Variants in SCIN observed in about 807,000 individuals in gnomAD.
SCIN encodes the protein scinderin, also known as adseverin.
Under a neutral mutation model 91.8 loss-of-function variants are expected in SCIN, and 91 were observed. The ratio of observed to expected loss-of-function variants is 0.99; its 90% CI spans 0.84 to 1.18. The LOEUF is 1.18. Among genes scored for constraint, SCIN ranks in the 50% most tolerant of loss-of-function variants. The probability of loss-of-function intolerance (pLI) is 0.00; values close to 1 mark genes in which losing one functional copy is unlikely to be tolerated. For synonymous variants in SCIN, 367 were observed against 312.6 expected (o/e 1.17, Z -1.84); for missense variants, 1,087 against 863.9 (o/e 1.26, Z -3.24).
intron 4 of SCIN, among the ~76,000 whole-genome samples, chr7:12,612,018 A>C (rs779622917): frequency 6.6e-6 from 1 of 151,538 alleles, no homozygotes; most frequent in East Asian, 1.9e-4. Context: ...TTGCCCTCCT[A>C]TTTTTTTTCA....
At chr7:12,652,082 A>T (rs1185615117) in intron 15 of SCIN, among the ~76,000 whole-genome samples, 181 bp downstream of exon 15, 3 of 152,248 alleles carry the variant, frequency 2.0e-5, no homozygotes, top group Non-Finnish European at 2.9e-5. Flanking sequence ...CCAAATGGGC[A>T]CAAGAAAACA....
In SCIN at chr7:12,656,917, C is replaced by G. The variant is rs935536274; in HGVS notation, c.*4202C>G. ...CCTGCGTGACGATGAGAGTCTCCGTCTCGGGGGAAGAAAAAAAAAACCTGT... is the reference window on the plus strand; with the variant it reads ...CCTGCGTGACGATGAGAGTCTCCGTGTCGGGGGAAGAAAAAAAAAACCTGT... On this transcript the variant is annotated 3_prime_UTR_variant, in exon 16 of 16. Transcript: ENST00000297029. The G allele has an allele frequency of 6.6e-6, 1 of 150,782 alleles. No homozygotes were observed. Among genetic ancestry groups the G allele is most frequent in the African/African-American group, 2.4e-5 (1 of 40,870 alleles). The allele number at this position is 150,782 out of a possible 1,614,324, so 9.3% of individuals were successfully genotyped here.
At chr7:12,589,628 GGCA>G (rs1359015531) in intron 3 of SCIN, 2 of 152,154 alleles carry the variant, frequency 1.3e-5, no homozygotes, top group Non-Finnish European at 2.9e-5. Flanking sequence ...CGCCTTTCTC[GGCA>G]GTGAGGAGAT....
chr7:12,651,697 C>A lies in SCIN; in HGVS notation c.1960-144C>A. The A allele has an allele frequency of 1.7e-6, 1 of 578,762 alleles. No individual in the cohort carries two copies. Among genetic ancestry groups the A allele is most frequent in the Non-Finnish European group, 3.1e-6 (1 of 324,446 alleles). 35.9% of individuals were successfully genotyped at this position (578,762 alleles called of 1,614,324 possible). On this transcript the variant is annotated intron_variant, in intron 14 of 15. Transcript: ENST00000297029. The surrounding 1 kb of genome is among the most constrained non-coding windows in gnomAD (Gnocchi z 5.9). ...ACACTGGGAAAGTGATGGTACCTCT[C>A]TGGGCCACCACCTCCACGTCCCTAA...
chr7:12,642,371 T>A (rs961734498), intron 11 of SCIN, among the ~76,000 whole-genome samples: 3 of 152,136 alleles, frequency 2.0e-5, no homozygotes, highest in Non-Finnish European at 4.4e-5. Context: ...CTATCTGGAA[T>A]CATTCACTTT....
intron 9 of SCIN, among the ~76,000 whole-genome samples, chr7:12,631,183 A>C (rs1783634686): frequency 6.6e-6 from 1 of 152,248 alleles, no homozygotes; most frequent in Non-Finnish European, 1.5e-5. Context: ...AGTTTTAAAT[A>C]GTAGCTATTT....
chr7:12,649,170 G>A (rs546007096), intron 13 of SCIN, among the ~76,000 whole-genome samples: 7 of 152,160 alleles, frequency 4.6e-5, no homozygotes, highest in South Asian at 2.1e-4. Flanking sequence ...CCACACAGCC[G>A]CATTCCTCTC....
chr7:12,629,049 A>G, intron 8 of SCIN, 52 bp from the exon 9 acceptor site: 3 of 1,463,134 alleles, frequency 2.1e-6, no homozygotes, highest in South Asian at 2.7e-5. Context: ...TATGAGAAAT[A>G]TTATTAGATC....
intron 10 of SCIN, among the ~76,000 whole-genome samples, chr7:12,637,787 G>T (rs570456714): frequency 9.9e-5 from 15 of 152,130 alleles, no homozygotes; most frequent in African/African-American, 3.6e-4. Context: ...AAAATTTCAT[G>T]TAATTATAAA....
chr7:12,574,377 TGAAGA>T (rs2115199549), intron 1 of SCIN, among the ~76,000 whole-genome samples: 1 of 152,080 alleles, frequency 6.6e-6, no homozygotes, highest in Non-Finnish European at 1.5e-5. Flanking sequence ...ACAGATAGGG[TGAAGA>T]GGGGATGATG....
intron 4 of SCIN, among the ~76,000 whole-genome samples, chr7:12,614,366 A>G (rs1354505444): frequency 6.6e-6 from 1 of 152,200 alleles, no homozygotes; most frequent in Non-Finnish European, 1.5e-5. Context: ...TACTACCCTG[A>G]CAAACATTCA....
At position 12,657,538 on chromosome 7, in the gene SCIN, G is replaced by GTGTATATATATA. The variant is rs1225844290; in HGVS notation, c.*4824_*4825insGTATATATATAT. On this transcript the variant is annotated 3_prime_UTR_variant, in exon 16 of 16. Transcript: ENST00000297029. ...ATTTTTAAGTTTTATATATGTGTGT[G>GTGTATATATATA]TATATATATATATATATATATATAT... The GTGTATATATATA allele has an allele frequency of 1.1e-4, 3 of 27,636 alleles. No individual in the cohort carries two copies. The highest frequency in any genetic ancestry group is 1.6e-4 in the African/African-American group (2 of 12,896). The allele number at this position is 27,636 out of a possible 1,614,324, so 1.7% of individuals were successfully genotyped here.
At chr7:12,645,891 A>G (rs2691809) in intron 13 of SCIN, among the ~76,000 whole-genome samples, 121,217 of 152,182 alleles carry the variant, frequency 0.8, 48,609 homozygotes, top group Admixed American at 0.87. Flanking sequence ...CAGTTGCTGT[A>G]TGAATATATA....
At chr7:12,645,644 AC>A (rs1171195759) in intron 13 of SCIN, among the ~76,000 whole-genome samples, 1 of 151,864 alleles carries the variant, frequency 6.6e-6, no homozygotes, top group Non-Finnish European at 1.5e-5. Flanking sequence ...CCCTCATCCC[AC>A]CTTCCACCTT....
intron 4 of SCIN, among the ~76,000 whole-genome samples, chr7:12,612,805 A>C (rs1382678817): frequency 6.6e-6 from 1 of 152,232 alleles, no homozygotes; most frequent in Non-Finnish European, 1.5e-5. Flanking sequence ...AGAAATTCAT[A>C]TAGTAACAGC....
intron 3 of SCIN, chr7:12,596,553 G>C: frequency 2.3e-6 from 1 of 428,808 alleles, no homozygotes; most frequent in Non-Finnish European, 4.7e-6. Context: ...GCCCTCTCCT[G>C]CCCCACTCAT....
At position 12,654,473 on chromosome 7, in the gene SCIN, C is replaced by A. The variant is rs898545295; in HGVS notation, c.*1758C>A. The A allele has an allele frequency of 6.6e-6, 1 of 151,932 alleles. No homozygotes were observed. The highest frequency in any genetic ancestry group is 1.5e-5 in the Non-Finnish European group (1 of 67,978). The allele number at this position is 151,932 out of a possible 1,614,324, so 9.4% of individuals were successfully genotyped here. ...ATAAATATAGTGCTAGTCCTGCATG[C>A]AACAAAAATGATGTAAGTAGACATT... On this transcript the variant is annotated 3_prime_UTR_variant, in exon 16 of 16. Transcript: ENST00000297029.
chr7:12,640,596 T>C, intron 11 of SCIN, 79 bp downstream of exon 11: 1 of 1,294,480 alleles, frequency 7.7e-7, no homozygotes, highest in South Asian at 2.1e-5. Flanking sequence ...ATATTAGACT[T>C]TAAAAACTTG....
At position 12,654,049 on chromosome 7, in the gene SCIN, C is replaced by T. The variant is rs988989915; in HGVS notation, c.*1334C>T. ...GAAAAAGAAGAAGCTACGTTAGAAC[C>T]CATGGAAAGAACTTTGCCTCATGTA... On this transcript the variant is annotated 3_prime_UTR_variant, in exon 16 of 16. Transcript: ENST00000297029. 6 of 152,014 alleles carry T rather than the reference C, an allele frequency of 3.9e-5. No homozygotes were observed. The highest frequency in any genetic ancestry group is 3.9e-4 in the Admixed American group (6 of 15,262). 9.4% of individuals were successfully genotyped at this position (152,014 alleles called of 1,614,324 possible).
Sources: allele counts gnomAD v4.1 joint callset (sites outside exome capture counted in the v4.1 genomes callset), GRCh38; gene constraint gnomAD v4.1.1; non-coding constraint Gnocchi (gnomAD v3.1); transcripts MANE v1.5; gene names NCBI Gene and HGNC (gene_info 2026-07-23, HGNC 2026-07-21).